Variants in KCNQ3 observed in about 807,000 individuals in gnomAD.
KCNQ3 encodes potassium voltage-gated channel subfamily KQT member 3.
A neutral mutation model predicts 92.5 loss-of-function variants in KCNQ3; 30 were observed. That is an observed-to-expected ratio of 0.32 (90% CI 0.24 to 0.44). The LOEUF is 0.44. KCNQ3 is among the 20% of genes least tolerant of loss of function. The probability of loss-of-function intolerance (pLI) is 1.00; values close to 1 mark genes in which losing one functional copy is unlikely to be tolerated. For synonymous variants in KCNQ3, 450 were observed against 468.8 expected, an observed-to-expected ratio of 0.96 and a Z score of 0.52; for missense variants, 913 against 1,140.3, an observed-to-expected ratio of 0.80 and a Z score of 2.87.
chr8:132,304,253 A>C (rs916116891), intron 1 of KCNQ3, among the ~76,000 whole-genome samples: 6 of 152,296 alleles, frequency 3.9e-5, no homozygotes, highest in African/African-American at 1.4e-4. Flanking sequence ...ACCACTATGT[A>C]ATACATCCAT....
chr8:132,357,922 G>A (rs550352711), intron 1 of KCNQ3, among the ~76,000 whole-genome samples: 1 of 152,318 alleles, frequency 6.6e-6, no homozygotes, highest in South Asian at 2.1e-4. Flanking sequence ...GGCGCAAAGA[G>A]CTCTGTCTGG....
chr8:132,242,997 C>G (rs1220358259), intron 1 of KCNQ3, among the ~76,000 whole-genome samples: 1 of 152,174 alleles, frequency 6.6e-6, no homozygotes, highest in Non-Finnish European at 1.5e-5. Context: ...CCCAAAGAAA[C>G]AGTGGCAATC....
At chr8:132,339,645 G>A (rs893893133) in intron 1 of KCNQ3, among the ~76,000 whole-genome samples, 1 of 151,280 alleles carries the variant, frequency 6.6e-6, no homozygotes, top group Non-Finnish European at 1.5e-5. Context: ...GGAGGCAGAG[G>A]TTGGAATGAG....
chr8:132,272,871 A>C lies in KCNQ3; in HGVS notation c.387-86690T>G, dbSNP rs191037636. Among the ~76,000 whole-genome samples, 63 of 152,234 alleles carry C rather than the reference A, an allele frequency of 4.1e-4. 1 individual carries two copies. In the East Asian group the frequency reaches 0.011, roughly 28 times the overall value. On this transcript the variant is annotated intron_variant, in intron 1 of 14. Transcript: ENST00000388996. ...CCCCTTCCAAATCTCATGTCCTCAC[A>C]TTTCAAAACCAATCATGCCTTCCCA...
chr8:132,404,299 G>A (rs112356518), intron 1 of KCNQ3, among the ~76,000 whole-genome samples: 1,945 of 152,272 alleles, frequency 0.013, 48 homozygotes, highest in African/African-American at 0.045. Flanking sequence ...TCTTTTCCCT[G>A]GGTTAAGAAG....
At chr8:132,278,164 C>T (rs764949445) in intron 1 of KCNQ3, 5 of 985,226 alleles carry the variant, frequency 5.1e-6, no homozygotes, top group African/African-American at 3.5e-5. Flanking sequence ...TGGAAATTTA[C>T]AACCCAGAGA....
intron 1 of KCNQ3, among the ~76,000 whole-genome samples, chr8:132,220,103 G>T (rs1191748745): frequency 6.6e-6 from 1 of 152,026 alleles, no homozygotes; most frequent in Non-Finnish European, 1.5e-5. Flanking sequence ...CATTAGGTGG[G>T]TTTATTTATT....
chr8:132,467,781 A>G (rs1382415103), intron 1 of KCNQ3, among the ~76,000 whole-genome samples: 4 of 152,168 alleles, frequency 2.6e-5, no homozygotes, highest in Non-Finnish European at 4.4e-5. Flanking sequence ...ATCAAGCAAA[A>G]CTATACTTCG....
chr8:132,390,257 A>T (rs945883073), intron 1 of KCNQ3, among the ~76,000 whole-genome samples: 9 of 152,232 alleles, frequency 5.9e-5, no homozygotes, highest in African/African-American at 2.2e-4. Context: ...ATGAAAGCAT[A>T]CAATAAGGTA....
intron 1 of KCNQ3, among the ~76,000 whole-genome samples, chr8:132,345,817 G>A (rs1563870913): frequency 6.6e-6 from 1 of 152,100 alleles, no homozygotes; most frequent in Non-Finnish European, 1.5e-5. Flanking sequence ...ATGATGATGA[G>A]ATAATGAGGA....
At chr8:132,369,958 G>C (rs1819427914) in intron 1 of KCNQ3, among the ~76,000 whole-genome samples, 1 of 152,208 alleles carries the variant, frequency 6.6e-6, no homozygotes, top group Non-Finnish European at 1.5e-5. Flanking sequence ...CCATGCTGCT[G>C]TATTCCCTCT....
chr8:132,378,230 C>A (rs1311101662), intron 1 of KCNQ3, among the ~76,000 whole-genome samples: 1 of 151,940 alleles, frequency 6.6e-6, no homozygotes, highest in African/African-American at 2.4e-5. Context: ...CTCGTCCCTA[C>A]TAAAAATACA....
rs188162415 is a variant in KCNQ3 at position 132,314,389 on chromosome 8, G to A, written c.387-128208C>T. On this transcript the variant is annotated intron_variant, in intron 1 of 14. Transcript: ENST00000388996. ...AAAAAAGACTAACTGTGAAGATTTT[G>A]TGAATGTCCCAGTTAATTTTAGGCT... Among the ~76,000 whole-genome samples the A allele has an allele frequency of 2.6e-5, 4 of 152,274 alleles. No individual in the cohort carries two copies. In the East Asian group the frequency reaches 7.7e-4, roughly 29 times the overall value.
At chr8:132,219,361 TCTC>T (rs1814143130) in intron 1 of KCNQ3, among the ~76,000 whole-genome samples, 1 of 152,094 alleles carries the variant, frequency 6.6e-6, no homozygotes, top group South Asian at 2.1e-4. Context: ...TCTTAACTCT[TCTC>T]CTTGTGTAGA....
intron 1 of KCNQ3, among the ~76,000 whole-genome samples, chr8:132,333,462 GA>G: frequency 6.6e-6 from 1 of 152,296 alleles, no homozygotes; most frequent in Non-Finnish European, 1.5e-5. Context: ...GCATTTTAAG[GA>G]AGCCGATTTC....
chr8:132,261,243 A>G (rs1224646522), intron 1 of KCNQ3, among the ~76,000 whole-genome samples: 2 of 152,212 alleles, frequency 1.3e-5, no homozygotes, highest in East Asian at 1.9e-4. Flanking sequence ...GGTTTCCTCT[A>G]TGAAGACTGA....
intron 1 of KCNQ3, among the ~76,000 whole-genome samples, chr8:132,450,127 G>T (rs1305292449): frequency 6.6e-6 from 1 of 152,174 alleles, no homozygotes; most frequent in East Asian, 1.9e-4. Context: ...CATGGAAGGG[G>T]ACCCGAGTGG....
At chr8:132,301,172 G>T (rs547713413) in intron 1 of KCNQ3, among the ~76,000 whole-genome samples, 1 of 152,196 alleles carries the variant, frequency 6.6e-6, no homozygotes, top group African/African-American at 2.4e-5. Flanking sequence ...TCCTTCTCAA[G>T]AATCAGCGAA....
chr8:132,237,382 C>G (rs535436822), intron 1 of KCNQ3, among the ~76,000 whole-genome samples: 1 of 152,138 alleles, frequency 6.6e-6, no homozygotes. Flanking sequence ...GATTCTCATA[C>G]CAACATTTAC....
Sources: gnomAD v4.1 joint callset for allele counts (sites outside exome capture counted in the v4.1 genomes callset) on GRCh38, gnomAD v4.1.1 for gene constraint, MANE v1.5 for transcripts, NCBI Gene and HGNC (gene_info 2026-07-23, HGNC 2026-07-21) for gene names.